Variants in DLGAP2 observed in about 807,000 individuals in gnomAD.
DLGAP2 encodes DLG associated protein 2.
In DLGAP2, 26 loss-of-function variants were observed where a neutral mutation model predicts 100.3. The ratio of observed to expected loss-of-function variants is 0.26; its 90% CI spans 0.19 to 0.36. The LOEUF (loss-of-function observed/expected upper bound fraction) is 0.36. DLGAP2 is among the 10% of genes least tolerant of loss of function. The pLI is 1.00. For synonymous variants in DLGAP2, 886 were observed against 630.1 expected (o/e 1.41, Z -6.08); for missense variants, 1,858 against 1,453.2 (o/e 1.28, Z -4.53).
chr8:957,698 T>A (rs1046779307), intron 2 of DLGAP2, among the ~76,000 whole-genome samples: 4 of 152,172 alleles, frequency 2.6e-5, no homozygotes, highest in African/African-American at 9.7e-5. Flanking sequence ...CCCTTGTCAG[T>A]CTAGTTTTAT....
chr8:781,034 G>A (rs1821671733), intron 1 of DLGAP2, among the ~76,000 whole-genome samples: 1 of 152,186 alleles, frequency 6.6e-6, no homozygotes, highest in Non-Finnish European at 1.5e-5. Context: ...AATGCATTTT[G>A]TAGCTTTGTT....
chr8:1,375,085 G>A (rs112083749), intron 3 of DLGAP2, among the ~76,000 whole-genome samples: 3 of 149,916 alleles, frequency 2.0e-5, no homozygotes, highest in African/African-American at 7.4e-5. Context: ...ACCTCTCCAC[G>A]ACCTCAGAAC....
chr8:1,205,260 G>A (rs1797965383), intron 2 of DLGAP2, among the ~76,000 whole-genome samples: 1 of 152,200 alleles, frequency 6.6e-6, no homozygotes, highest in African/African-American at 2.4e-5. Flanking sequence ...TAGTTTTATA[G>A]CTGATGTCGA....
At chr8:1,211,990 C>G (rs747599020) in intron 2 of DLGAP2, among the ~76,000 whole-genome samples, 1 of 152,266 alleles carries the variant, frequency 6.6e-6, no homozygotes, top group Non-Finnish European at 1.5e-5. Context: ...GCTGTGGAAA[C>G]ACAAGGCTCT....
intron 2 of DLGAP2, among the ~76,000 whole-genome samples, chr8:969,724 G>C (rs1799968121): frequency 1.3e-5 from 2 of 152,148 alleles, no homozygotes; most frequent in Admixed American, 1.3e-4. Context: ...CCTGTTCAGT[G>C]ATGTCATAAG....
At chr8:1,018,811 G>A (rs1216824456) in intron 2 of DLGAP2, 4 of 152,092 alleles carry the variant, frequency 2.6e-5, no homozygotes, top group African/African-American at 7.2e-5. Context: ...TTATCTTCTT[G>A]TCTGTTAAAA....
In DLGAP2 at chr8:1,054,532, A is replaced by T. The variant is rs565786968; in HGVS notation, c.73+146566A>T. On this transcript the variant is annotated intron_variant, in intron 2 of 14. Coordinates refer to ENST00000637795, the MANE Select transcript of DLGAP2 (RefSeq NM_001346810.2). The stretch of plus-strand genomic sequence containing the variant: ...AACTTACTGTATATTAGAATATATG[A>T]TATTTCTGCAAATATTTATATTTTC... Among the ~76,000 whole-genome samples, 4 of 152,314 alleles carry T rather than the reference A, an allele frequency of 2.6e-5. No homozygotes were observed. In the South Asian group the frequency reaches 8.3e-4, roughly 32 times the overall value.
At chr8:1,391,323 C>A (rs11136387) in intron 3 of DLGAP2, among the ~76,000 whole-genome samples, 10 of 151,704 alleles carry the variant, frequency 6.6e-5, no homozygotes, top group African/African-American at 1.5e-4. Flanking sequence ...TTGGGGTACC[C>A]TGCAGAACGA....
intron 6 of DLGAP2, among the ~76,000 whole-genome samples, chr8:1,620,815 G>T (rs577195993): frequency 3.5e-4 from 54 of 152,268 alleles, no homozygotes; most frequent in African/African-American, 1.3e-3. Context: ...CAGCTCACAA[G>T]TCCCTGATTA....
rs546516657 is a variant in DLGAP2, at chr8:1,213,595, T to C, written c.74-45256T>C. Among the ~76,000 whole-genome samples the C allele has an allele frequency of 5.9e-5, 9 of 152,302 alleles. No individual in the cohort carries two copies. The South Asian group carries it at 6.2e-4, about 11-fold the overall frequency. ...TTTTCTGCGGCATCTTCCTCAGATA[T>C]GGATAGCAGGGGTAAGCAGCGTTCA... On this transcript the variant is annotated intron_variant, in intron 2 of 14. Transcript: ENST00000637795.
chr8:1,281,722 G>A (rs1406113232), intron 3 of DLGAP2, among the ~76,000 whole-genome samples: 2 of 152,198 alleles, frequency 1.3e-5, no homozygotes, highest in Admixed American at 6.5e-5. Context: ...GGGAGAGGCA[G>A]ATGTCCTAGC....
chr8:962,973 G>A (rs1294516691), intron 2 of DLGAP2, among the ~76,000 whole-genome samples: 1 of 152,196 alleles, frequency 6.6e-6, no homozygotes, highest in African/African-American at 2.4e-5. Context: ...TTAGGTTCGG[G>A]GTCCTCTGAT....
intron 5 of DLGAP2, among the ~76,000 whole-genome samples, chr8:1,553,495 G>A (rs13275104): frequency 8.4e-4 from 2 of 2,384 alleles, no homozygotes; most frequent in Non-Finnish European, 1.6e-3. Flanking sequence ...GCGTGTTCAC[G>A]GGCAGCCCCG....
intron 2 of DLGAP2, among the ~76,000 whole-genome samples, chr8:1,056,266 C>G (rs776363665): frequency 6.6e-6 from 1 of 152,176 alleles, no homozygotes; most frequent in Non-Finnish European, 1.5e-5. Context: ...GTGGGCCTCT[C>G]CACTCGTGGC....
At chr8:1,105,447 C>G (rs1804724847) in intron 2 of DLGAP2, among the ~76,000 whole-genome samples, 1 of 152,006 alleles carries the variant, frequency 6.6e-6, no homozygotes, top group African/African-American at 2.4e-5. Context: ...AACAGTCACC[C>G]TAACATGGTT....
intron 1 of DLGAP2, among the ~76,000 whole-genome samples, chr8:906,002 A>C (rs563387054): frequency 6.6e-6 from 1 of 152,206 alleles, no homozygotes; most frequent in South Asian, 2.1e-4. Flanking sequence ...ATGTCTGTGG[A>C]ATGGGGTTGC....
chr8:1,456,745 C>T (rs1331229423), intron 3 of DLGAP2, among the ~76,000 whole-genome samples: 4 of 152,296 alleles, frequency 2.6e-5, no homozygotes, highest in East Asian at 3.8e-4. Context: ...CGTTGGACGT[C>T]AGCAGGCTGT....
Position 1,150,738 on chromosome 8 carries a change from A to G in DLGAP2, c.74-108113A>G, listed in dbSNP as rs148644186. ...CTTTCTTCCATGTAATAATGGACAT[A>G]GAAGTGAGAGCATACATGTCAGACT... On this transcript the variant is annotated intron_variant, in intron 2 of 14. Coordinates refer to ENST00000637795, the MANE Select transcript of DLGAP2 (RefSeq NM_001346810.2). 4.7e-3 allele frequency among the ~76,000 whole-genome samples: 711 copies of G among 152,372 alleles called. 1 individual carries two copies. The highest frequency in any genetic ancestry group is 0.01 in the Middle Eastern group (3 of 294).
chr8:1,498,499 C>G (rs1224384990), intron 3 of DLGAP2, among the ~76,000 whole-genome samples: 1 of 152,146 alleles, frequency 6.6e-6, no homozygotes, highest in African/African-American at 2.4e-5. Context: ...AAGAAAACCC[C>G]TCTAATGAGA....
Sources: allele counts gnomAD v4.1 joint callset (sites outside exome capture counted in the v4.1 genomes callset), GRCh38; gene constraint gnomAD v4.1.1; transcripts MANE v1.5; gene names NCBI Gene and HGNC (gene_info 2026-07-23, HGNC 2026-07-21).